DENND2B: variants seen among roughly 807,000 people sequenced by gnomAD.
DENND2B encodes DENN domain containing 2B, also known as DENN domain-containing protein 2B.
A neutral mutation model predicts 116.0 loss-of-function variants in DENND2B; 32 were observed. That is an observed-to-expected ratio of 0.28 (90% CI 0.21 to 0.37). The LOEUF is 0.37. DENND2B is among the 10% of genes least tolerant of loss of function. The pLI is 1.00. For synonymous variants in DENND2B, 588 were observed against 583.9 expected (o/e 1.01, Z -0.10); for missense variants, 1,276 against 1,477.7 (o/e 0.86, Z 2.24).
intron 1 of DENND2B, among the ~76,000 whole-genome samples, chr11:8,800,844 C>A (rs2134409130): frequency 6.6e-6 from 1 of 152,196 alleles, no homozygotes; most frequent in Admixed American, 6.5e-5. Flanking sequence ...AGATAAGGAG[C>A]TATTCATTCT....
intron 16 of DENND2B, among the ~76,000 whole-genome samples, chr11:8,698,349 ACT>A (rs1257646657): frequency 2.0e-5 from 3 of 151,542 alleles, no homozygotes; most frequent in Admixed American, 6.6e-5. Context: ...TCGTCTCTAT[ACT>A]CTGTTTCTGT....
chr11:8,910,839 A>T (rs983000282), exon 1 of DENND2B: 1 of 154,116 alleles, frequency 6.5e-6, no homozygotes, highest in Non-Finnish European at 1.4e-5. Context: ...GCAGCGCAGT[A>T]GCCCTCTAAG....
intron 2 of DENND2B, among the ~76,000 whole-genome samples, chr11:8,741,432 A>G (rs1051176956): frequency 6.6e-6 from 1 of 152,218 alleles, no homozygotes; most frequent in Admixed American, 6.5e-5. Context: ...TGACAGGAAC[A>G]TCCCCAGTGC....
rs33975736 is a variant in DENND2B at position 8,698,137 on chromosome 11, CAAAAAAAAA to C, written c.2941-510_2941-502del. ...CTGGATGACAGTGAGACCCTGTCTC[CAAAAAAAAA>C]AAAAAAAAAAAAAAAAAAAAGGGGG... On this transcript the variant is annotated intron_variant, in intron 16 of 19. Coordinates refer to ENST00000313726, the MANE Select transcript of DENND2B (RefSeq NM_213618.2). Among the ~76,000 whole-genome samples, 137 of 39,824 alleles carry C rather than the reference CAAAAAAAAA, an allele frequency of 3.4e-3. 1 individual carries two copies. Among genetic ancestry groups the C allele is most frequent in the South Asian group, 6.1e-3 (3 of 492 alleles). The allele number at this position is 39,824 out of a possible 152,430, so 26.1% of individuals were successfully genotyped here. A position where few individuals can be genotyped will look rare whatever the true frequency, so the allele number is the denominator to read the frequency against.
At chr11:8,909,429 G>GAGA (rs1372410194) in intron 1 of DENND2B, among the ~76,000 whole-genome samples, 5 of 38,818 alleles carry the variant, frequency 1.3e-4, no homozygotes, top group African/African-American at 2.0e-4. Context: ...GAGGAAGGAG[G>GAGA]AGGAGGAGGA....
chr11:8,783,469 G>A (rs75697084), intron 1 of DENND2B, among the ~76,000 whole-genome samples: 117 of 152,272 alleles, frequency 7.7e-4, no homozygotes, highest in African/African-American at 2.5e-3. Context: ...AGTCAGAAAA[G>A]TAGGTTACAA....
chr11:8,733,256 G>A (rs964802546), intron 2 of DENND2B, among the ~76,000 whole-genome samples: 1 of 152,192 alleles, frequency 6.6e-6, no homozygotes, highest in Non-Finnish European at 1.5e-5. Flanking sequence ...ACAGTTCATG[G>A]AGGCCTTAGG....
At chr11:8,877,886 T>C (rs902319853) in intron 2 of DENND2B, among the ~76,000 whole-genome samples, 3 of 152,196 alleles carry the variant, frequency 2.0e-5, no homozygotes, top group Non-Finnish European at 2.9e-5. Flanking sequence ...AAGTAATAAG[T>C]TGTGTAAGCA....
chr11:8,697,673 G>A (rs761016127), intron 16 of DENND2B, 37 bp from the exon 17 acceptor site: 20 of 1,396,408 alleles, frequency 1.4e-5, no homozygotes, highest in Middle Eastern at 1.8e-4. Flanking sequence ...AATCATAGCT[G>A]ACACTGAGCA....
intron 1 of DENND2B, among the ~76,000 whole-genome samples, chr11:8,882,190 T>C (rs1194320482): frequency 2.0e-5 from 3 of 152,206 alleles, no homozygotes; most frequent in Non-Finnish European, 4.4e-5. Flanking sequence ...CACCTCAAAC[T>C]TTACATTACA....
upstream of DENND2B, among the ~76,000 whole-genome samples, chr11:8,815,436 T>C (rs1315973298): frequency 5.3e-5 from 8 of 152,126 alleles, no homozygotes; most frequent in East Asian, 1.9e-4. Flanking sequence ...TCTGGCTTCA[T>C]CTCTTGCCCA....
chr11:8,783,836 G>C (rs966932102), intron 1 of DENND2B, among the ~76,000 whole-genome samples: 1 of 152,204 alleles, frequency 6.6e-6, no homozygotes, highest in African/African-American at 2.4e-5. Context: ...CGAAGAGCCA[G>C]GAGGAAGAGC....
chr11:8,711,037 C>CT, intron 10 of DENND2B, 85 bp downstream of exon 10: 1 of 1,559,036 alleles, frequency 6.4e-7, no homozygotes, highest in Non-Finnish European at 8.8e-7. Context: ...GAGGATGAGA[C>CT]TAGAGCAGGC....
chr11:8,775,342 C>G (rs752885667), intron 1 of DENND2B, among the ~76,000 whole-genome samples: 1 of 152,232 alleles, frequency 6.6e-6, no homozygotes, highest in Non-Finnish European at 1.5e-5. Flanking sequence ...GAAGTCCAAT[C>G]TCACCCTGAA....
chr11:8,829,058 T>TG (rs1555208763), intron 4 of DENND2B, among the ~76,000 whole-genome samples: 4 of 149,154 alleles, frequency 2.7e-5, no homozygotes, highest in Non-Finnish European at 5.9e-5. Flanking sequence ...GTGTGTGGTG[T>TG]GTGTGGTGTG....
intron 11 of DENND2B, chr11:8,708,350 G>A (rs2042978189): frequency 2.0e-6 from 2 of 984,812 alleles, no homozygotes. Context: ...AGAGCAAACT[G>A]AAAACAAGAG....
chr11:8,864,004 G>C (rs1367157452), intron 2 of DENND2B, among the ~76,000 whole-genome samples: 1 of 152,040 alleles, frequency 6.6e-6, no homozygotes, highest in Non-Finnish European at 1.5e-5. Context: ...CTATTGAGTG[G>C]CACTTCCTAA....
At chr11:8,845,747 A>T (rs1244433455) in intron 3 of DENND2B, among the ~76,000 whole-genome samples, 2 of 152,240 alleles carry the variant, frequency 1.3e-5, no homozygotes, top group African/African-American at 2.4e-5. Flanking sequence ...TCAAGGATCT[A>T]GAAAATATAC....
chr11:8,727,571 G>A (rs1458796049), intron 3 of DENND2B, among the ~76,000 whole-genome samples: 1 of 152,094 alleles, frequency 6.6e-6, no homozygotes, highest in African/African-American at 2.4e-5. Context: ...ACTTTCTAGG[G>A]ACCAAATATC....
Sources: allele counts gnomAD v4.1 joint callset (sites outside exome capture counted in the v4.1 genomes callset), GRCh38; gene constraint gnomAD v4.1.1; transcripts MANE v1.5; gene names NCBI Gene and HGNC (gene_info 2026-07-23, HGNC 2026-07-21).